The following MAP4K3 variants were observed in gnomAD, a reference collection of about 807,000 sequenced individuals.
MAP4K3 encodes the protein MAPK/ERK kinase kinase kinase 3.
MAP4K3 carries 94 observed loss-of-function variants against 143.5 expected under a neutral mutation model. The ratio of observed to expected loss-of-function variants is 0.65; its 90% confidence interval spans 0.55 to 0.78. MAP4K3 has a LOEUF of 0.78. Ranked by LOEUF, MAP4K3 falls within the 30% of genes least tolerant of loss-of-function variation. The pLI is 0.00. For synonymous variants in MAP4K3, 416 were observed against 347.2 expected (o/e 1.20, Z -2.20); for missense variants, 1,077 against 1,068.1 (o/e 1.01, Z -0.12).
At chr2:39,414,600 G>A (rs1406369082) in intron 1 of MAP4K3, among the ~76,000 whole-genome samples, 1 of 152,100 alleles carries the variant, frequency 6.6e-6, no homozygotes, top group Non-Finnish European at 1.5e-5. Flanking sequence ...CCTAGGCCGG[G>A]TGCGGTGGCT....
intron 3 of MAP4K3, among the ~76,000 whole-genome samples, chr2:39,354,278 C>T (rs545581272): frequency 1.3e-5 from 2 of 152,160 alleles, no homozygotes; most frequent in Admixed American, 6.5e-5. Context: ...CCCGTCTCTA[C>T]TAAAAATACA....
intron 1 of MAP4K3, among the ~76,000 whole-genome samples, chr2:39,433,897 C>T (rs1187546590): frequency 6.6e-6 from 1 of 152,122 alleles, no homozygotes; most frequent in East Asian, 1.9e-4. Context: ...GTCATTTAGT[C>T]AATACCAAAA....
chr2:39,306,504 A>G (rs928926865), intron 15 of MAP4K3, among the ~76,000 whole-genome samples: 2 of 152,208 alleles, frequency 1.3e-5, no homozygotes, highest in Admixed American at 1.3e-4. Flanking sequence ...CCTGAATGTT[A>G]AACATAGGCA....
At chr2:39,269,576 G>T (rs1210886241) in intron 26 of MAP4K3, among the ~76,000 whole-genome samples, 1 of 148,332 alleles carries the variant, frequency 6.7e-6, no homozygotes, top group Non-Finnish European at 1.5e-5. Context: ...TTGGGTTCAG[G>T]CAATTCTCCT....
rs1156652182 is a variant in MAP4K3 at position 39,293,238 on chromosome 2, C to G, written c.1209G>C (p.Leu403Phe). 1.3e-6 allele frequency: 2 copies of G among 1,549,180 alleles called. No homozygotes were observed. Among genetic ancestry groups the G allele is most frequent in the Admixed American group, 1.9e-5 (1 of 51,340 alleles). Residue 403 changes from leucine to phenylalanine, a missense_variant, in exon 17 of 34, where the codon TTG becomes TTC. By Grantham distance (22) the Leu-to-Phe change is conservative. This residue lies in a region of MAP4K3 where 864 missense variants were observed against 801.2 expected (regional missense o/e 1.08). Transcript: ENST00000263881. Reference protein sequence around the residue: ...KSLLKSVEEELHQRGHVAHLE... With the variant: ...KSLLKSVEEEFHQRGHVAHLE... The stretch of plus-strand genomic sequence containing the variant: ...TTAAAAATTAAAATTACCGCTGATG[C>G]AATTCTTCTTCAACAGACTTGAGAA...
At chr2:39,252,847 A>G (rs1043250468) in intron 32 of MAP4K3, among the ~76,000 whole-genome samples, 1 of 152,262 alleles carries the variant, frequency 6.6e-6, no homozygotes, top group African/African-American at 2.4e-5. Context: ...CCTGTGGCTC[A>G]TCATGACTGT....
chr2:39,280,230 T>TA, intron 23 of MAP4K3, 42 bp downstream of exon 23: 1 of 1,198,352 alleles, frequency 8.3e-7, no homozygotes, highest in Non-Finnish European at 1.1e-6. Flanking sequence ...GCCCCAGTTT[T>TA]AAAAAATTAG....
At chr2:39,322,153 T>C (rs1469800842) in intron 12 of MAP4K3, among the ~76,000 whole-genome samples, 1 of 152,184 alleles carries the variant, frequency 6.6e-6, no homozygotes, top group African/African-American at 2.4e-5. Flanking sequence ...ATACTGAGAC[T>C]TAAAATTAAG....
intron 2 of MAP4K3, among the ~76,000 whole-genome samples, chr2:39,365,688 C>T (rs1442252930): frequency 1.3e-5 from 2 of 151,928 alleles, no homozygotes; most frequent in Admixed American, 6.6e-5. Context: ...TCATGATCCA[C>T]CCGCCTCGGC....
intron 4 of MAP4K3, among the ~76,000 whole-genome samples, chr2:39,342,972 G>A (rs370345663): frequency 4.6e-5 from 7 of 151,982 alleles, no homozygotes; most frequent in African/African-American, 1.4e-4. Flanking sequence ...TGAATCCCTC[G>A]GAATCTGGCA....
Position 39,325,793 on chromosome 2 carries a change from G to A in MAP4K3, c.744C>T (p.His248=). The A allele has an allele frequency of 1.2e-6, 2 of 1,608,452 alleles. No individual in the cohort carries two copies. The highest frequency in any genetic ancestry group is 1.7e-6 in the Non-Finnish European group (2 of 1,177,974). ...DKMKWSNSFH[H]FVKMALTKNP... is the part of the protein sequence containing the mutation. Reference sequence around the variant, plus strand: ...TTTTGGTAAGTGCCATTTTCACAAAGTGATGAAAACTATTTGACCTAAGAA... The same window carrying A: ...TTTTGGTAAGTGCCATTTTCACAAAATGATGAAAACTATTTGACCTAAGAA... Residue 248 remains histidine (H), a synonymous_variant, in exon 11 of 34, where the codon CAC becomes CAT. Coordinates refer to ENST00000263881, the MANE Select transcript of MAP4K3 (RefSeq NM_003618.4).
intron 1 of MAP4K3, among the ~76,000 whole-genome samples, chr2:39,410,305 T>C (rs1667202088): frequency 6.6e-6 from 1 of 152,208 alleles, no homozygotes; most frequent in African/African-American, 2.4e-5. Context: ...AATCAAGAAT[T>C]TGGAGTTCCC....
chr2:39,428,050 T>A (rs1258670709), intron 1 of MAP4K3, among the ~76,000 whole-genome samples: 1 of 152,208 alleles, frequency 6.6e-6, no homozygotes, highest in Non-Finnish European at 1.5e-5. Flanking sequence ...TTTCAGGAAG[T>A]CAACTTATTT....
chr2:39,270,426 G>C (rs1680965305), intron 26 of MAP4K3, among the ~76,000 whole-genome samples: 1 of 152,152 alleles, frequency 6.6e-6, no homozygotes, highest in African/African-American at 2.4e-5. Flanking sequence ...GGATATTTTA[G>C]AGTACACTAC....
intron 1 of MAP4K3, among the ~76,000 whole-genome samples, chr2:39,399,044 TAAAA>T (rs57189056): frequency 8.6e-6 from 1 of 116,412 alleles, no homozygotes. Context: ...TCTGTCTCGT[TAAAA>T]AAAAAAAAAA....
intron 29 of MAP4K3, among the ~76,000 whole-genome samples, chr2:39,259,008 T>TTA (rs1680455059): frequency 1.4e-5 from 1 of 73,374 alleles, no homozygotes. Context: ...AAAATGAAAA[T>TTA]TGTTTTTTTT....
chr2:39,281,956 G>A (rs1164817628), intron 22 of MAP4K3, among the ~76,000 whole-genome samples: 1 of 152,036 alleles, frequency 6.6e-6, no homozygotes, highest in Non-Finnish European at 1.5e-5. Context: ...CACTTTGGGA[G>A]GCCGAGGTGC....
chr2:39,362,335 A>G (rs891873684), intron 2 of MAP4K3, among the ~76,000 whole-genome samples: 1 of 152,204 alleles, frequency 6.6e-6, no homozygotes, highest in Non-Finnish European at 1.5e-5. Context: ...TGCATATAGA[A>G]AGCTCTAAAG....
rs1030832708 is a variant in MAP4K3 at position 39,437,054 on chromosome 2, G to T, written c.-67C>A. 4 of 1,232,486 alleles carry T rather than the reference G, an allele frequency of 3.2e-6. No individual in the cohort carries two copies. Among genetic ancestry groups the T allele is most frequent in the Admixed American group, 5.3e-5 (2 of 37,410 alleles). 76.3% of individuals were successfully genotyped at this position (1,232,486 alleles called of 1,614,324 possible). A position where few individuals can be genotyped will look rare whatever the true frequency, so the allele number is the denominator to read the frequency against. On this transcript the variant is annotated 5_prime_UTR_variant, in exon 1 of 34. Transcript: ENST00000263881. ...AGGGGGGCCGCTCAGGGGGCCACAC[G>T]GAGAGAGGGCGCCGCGGCCGGCTCC... is the stretch of plus-strand genomic sequence containing the variant.
Sources: allele counts gnomAD v4.1 joint callset (sites outside exome capture counted in the v4.1 genomes callset), GRCh38; gene constraint gnomAD v4.1.1; regional missense constraint gnomAD v4.1.1; transcripts MANE v1.5; gene names NCBI Gene and HGNC (gene_info 2026-07-23, HGNC 2026-07-21).